Variants in ANAPC1 observed in about 807,000 individuals in gnomAD.
ANAPC1 encodes anaphase-promoting complex subunit 1.
ANAPC1 carries 36 observed loss-of-function variants against 208.0 expected under a neutral mutation model. That is an observed-to-expected ratio of 0.17 (90% CI 0.13 to 0.23). The LOEUF is 0.23. ANAPC1 is among the 10% of genes least tolerant of loss of function. The pLI is 1.00. For missense variants in ANAPC1, 942 were observed against 2,011.6 expected (o/e 0.47, Z 10.17); for synonymous variants, 378 against 695.2 (o/e 0.54, Z 7.18).
intron 15 of ANAPC1, 133 bp downstream of exon 15, chr2:111,847,592 C>T (rs1376189066): frequency 7.9e-7 from 1 of 1,273,234 alleles, no homozygotes; most frequent in Non-Finnish European, 1.0e-6. Context: ...TAAAATCGTG[C>T]CAAAAAATGA....
At position 111,811,469 on chromosome 2, in the gene ANAPC1, CT is replaced by C. The variant is rs552904079; in HGVS notation, c.3598-2289del. On this transcript the variant is annotated intron_variant, in intron 28 of 47. Coordinates refer to ENST00000341068, the MANE Select transcript of ANAPC1 (RefSeq NM_022662.4). ...CTACTCCTGCTGGCTTGATCCCCCC[CT>C]GGTCATGAATGGTGGCTGCGCGCAC... Among the ~76,000 whole-genome samples, 1,124 of 118,814 alleles carry C rather than the reference CT, an allele frequency of 9.5e-3. 13 individuals carry two copies. The highest frequency in any genetic ancestry group is 0.024 in the African/African-American group (697 of 29,222). 77.9% of individuals were successfully genotyped at this position (118,814 alleles called of 152,430 possible).
At position 111,834,540 on chromosome 2, in the gene ANAPC1, C is replaced by T; in HGVS notation, c.2384+64G>A. On this transcript the variant is annotated intron_variant, in intron 19 of 47. Transcript: ENST00000341068. ...CAAGGTCCCTATATGATACAAGGTT[C>T]CTATATGGAAAAGACAGTCATCTCA... is the stretch of plus-strand genomic sequence containing the variant. The T allele has an allele frequency of 2.9e-6, 2 of 692,916 alleles. 1 individual carries two copies. The highest frequency in any genetic ancestry group is 4.1e-6 in the Non-Finnish European group (2 of 488,660). The allele number at this position is 692,916 out of a possible 1,614,324, so 42.9% of individuals were successfully genotyped here. A position where few individuals can be genotyped will look rare whatever the true frequency, so the allele number is the denominator to read the frequency against.
At chr2:111,766,848 T>A, downstream of ANAPC1, 1 of 389,558 alleles carries the variant, frequency 2.6e-6, no homozygotes, top group Non-Finnish European at 5.2e-6. Flanking sequence ...CCCCCTGAGC[T>A]GAGACATGCC....
At chr2:111,871,037 T>C (rs779952326) in intron 6 of ANAPC1, among the ~76,000 whole-genome samples, 9 of 152,226 alleles carry the variant, frequency 5.9e-5, no homozygotes, top group Non-Finnish European at 1.2e-4. Flanking sequence ...GGTTTCCCTA[T>C]TCTGTTCCAT....
chr2:111,877,050 C>T (rs940431578), intron 3 of ANAPC1, among the ~76,000 whole-genome samples: 1 of 151,076 alleles, frequency 6.6e-6, no homozygotes, highest in African/African-American at 2.4e-5. Context: ...AATGGGAATG[C>T]TGACTGTTTA....
At chr2:111,867,204 C>T (rs1258059990) in intron 7 of ANAPC1, among the ~76,000 whole-genome samples, 6 of 151,784 alleles carry the variant, frequency 4.0e-5, no homozygotes, top group African/African-American at 4.8e-5. Context: ...GCAAGATAAT[C>T]GCTTGAACCC....
At chr2:111,781,891 T>TGCAAATAATAAAGCAAACTAATAAAAGA (rs1329732337) in intron 43 of ANAPC1, among the ~76,000 whole-genome samples, 4 of 152,300 alleles carry the variant, frequency 2.6e-5, no homozygotes, top group Non-Finnish European at 5.9e-5. Flanking sequence ...TCGAGTACTG[T>TGCAAATAATAAAGCAAACTAATAAAAGA]GCAAATAATA....
chr2:111,857,923 C>T (rs1269198072), intron 11 of ANAPC1, among the ~76,000 whole-genome samples: 1 of 151,822 alleles, frequency 6.6e-6, no homozygotes, highest in African/African-American at 2.4e-5. Flanking sequence ...AAACATCACG[C>T]TAAGTGAAAG....
At chr2:111,863,352 C>CA (rs75401538) in intron 9 of ANAPC1, among the ~76,000 whole-genome samples, 1,908 of 127,632 alleles carry the variant, frequency 0.015, 15 homozygotes, top group Middle Eastern at 0.052. Flanking sequence ...ACTAAAAATA[C>CA]AAAAAAAAAA....
At chr2:111,883,671 G>A (rs984693400) in intron 1 of ANAPC1, among the ~76,000 whole-genome samples, 3 of 152,182 alleles carry the variant, frequency 2.0e-5, no homozygotes, top group Admixed American at 6.5e-5. Context: ...GGGGCTGGAG[G>A]CCAGTCTGAA....
intron 13 of ANAPC1, among the ~76,000 whole-genome samples, chr2:111,855,279 G>A (rs1681637556): frequency 2.0e-5 from 3 of 152,146 alleles, no homozygotes; most frequent in Admixed American, 6.6e-5. Context: ...AAAGACCACT[G>A]ATCACAGGTC....
rs1194767179 is a variant in ANAPC1 at position 111,807,435 on chromosome 2, C to A, written c.3832+1512G>T. ...GGCGGGGCACAGTGGTTCATGCCTGCAATCCCAGCACTTTGGGAGGCTGAG... is the reference window on the plus strand; with the variant it reads ...GGCGGGGCACAGTGGTTCATGCCTGAAATCCCAGCACTTTGGGAGGCTGAG... On this transcript the variant is annotated intron_variant, in intron 29 of 47. Transcript: ENST00000341068. 9.2e-5 allele frequency among the ~76,000 whole-genome samples: 14 copies of A among 152,006 alleles called. No individual in the cohort carries two copies. The South Asian group carries it at 1.5e-3, about 16-fold the overall frequency.
At chr2:111,826,078 G>A (rs1679816080) in intron 21 of ANAPC1, among the ~76,000 whole-genome samples, 1 of 152,070 alleles carries the variant, frequency 6.6e-6, no homozygotes, top group Non-Finnish European at 1.5e-5. Context: ...TGTAAAGACG[G>A]AGTCTCGCTG....
chr2:111,831,826 CAAAAAAAA>C (rs34008628), intron 20 of ANAPC1, among the ~76,000 whole-genome samples: 17 of 29,038 alleles, frequency 5.9e-4, no homozygotes, highest in African/African-American at 6.5e-4. Context: ...GACTCTGTCT[CAAAAAAAA>C]AAAAAAAAAA....
At chr2:111,792,760 G>A (rs1230229919) in intron 37 of ANAPC1, among the ~76,000 whole-genome samples, 4 of 151,826 alleles carry the variant, frequency 2.6e-5, no homozygotes, top group Admixed American at 1.3e-4. Flanking sequence ...AGACCATCCC[G>A]GCTAACATGG....
intron 47 of ANAPC1, among the ~76,000 whole-genome samples, chr2:111,769,746 C>T (rs1423075332): frequency 7.2e-6 from 1 of 139,212 alleles, no homozygotes; most frequent in African/African-American, 2.7e-5. Flanking sequence ...CAGTGGCGCT[C>T]TCTCGGCTCA....
At chr2:111,767,408 C>CA (rs1380609611), downstream of ANAPC1, among the ~76,000 whole-genome samples, 1 of 149,496 alleles carries the variant, frequency 6.7e-6, no homozygotes, top group African/African-American at 2.5e-5. Flanking sequence ...TTTGAGGCCC[C>CA]AAAAATAGCT....
intron 17 of ANAPC1, among the ~76,000 whole-genome samples, chr2:111,840,129 C>A (rs1680682439): frequency 6.6e-6 from 1 of 152,084 alleles, no homozygotes; most frequent in Non-Finnish European, 1.5e-5. Context: ...AAAAGTTAAC[C>A]CCAAATGCAA....
Position 111,843,877 on chromosome 2 carries a change from T to G in ANAPC1, c.1853-278A>C, listed in dbSNP as rs558846788. Among the ~76,000 whole-genome samples the G allele has an allele frequency of 4.6e-5, 6 of 130,364 alleles. No individual in the cohort carries two copies. The East Asian group carries it at 9.5e-4, about 21-fold the overall frequency. 85.5% of individuals were successfully genotyped at this position (130,364 alleles called of 152,430 possible). A position where few individuals can be genotyped will look rare whatever the true frequency, so the allele number is the denominator to read the frequency against. ...TCTCGCTCTGTTGCCCAGGCTGGAG[T>G]GCTGTGGCACGGTCTTGGCACACTG... On this transcript the variant is annotated intron_variant, in intron 16 of 47. Transcript: ENST00000341068.
Sources: gnomAD v4.1 joint callset for allele counts (sites outside exome capture counted in the v4.1 genomes callset) on GRCh38, gnomAD v4.1.1 for gene constraint, MANE v1.5 for transcripts, NCBI Gene and HGNC (gene_info 2026-07-23, HGNC 2026-07-21) for gene names.